The following PRELID2 variants were observed in gnomAD, a reference collection of about 807,000 sequenced individuals.
PRELID2 encodes the protein PRELI domain containing 2.
PRELID2 carries 25 observed loss-of-function variants against 28.4 expected under a neutral mutation model. The observed-to-expected ratio is 0.88, with a 90% confidence interval of 0.64 to 1.23. The LOEUF is 1.23. Among genes scored for constraint, PRELID2 ranks in the 50% most tolerant of loss-of-function variants. The pLI is 0.00. For synonymous variants in PRELID2, 76 were observed against 71.6 expected, an observed-to-expected ratio of 1.06 and a Z score of -0.31; for missense variants, 201 against 214.4, an observed-to-expected ratio of 0.94 and a Z score of 0.39.
chr5:145,516,308 T>C (rs1255780190), intron 1 of PRELID2, among the ~76,000 whole-genome samples: 1 of 152,072 alleles, frequency 6.6e-6, no homozygotes, highest in Non-Finnish European at 1.5e-5. Flanking sequence ...GGATACAAAA[T>C]CAATGTGCAA....
chr5:145,548,281 A>C (rs549187514), intron 1 of PRELID2, among the ~76,000 whole-genome samples: 1 of 152,284 alleles, frequency 6.6e-6, no homozygotes, highest in South Asian at 2.1e-4. Context: ...TGAGGAATAC[A>C]AATATTTCCT....
At chr5:145,300,705 T>C in the PRELID2 span, among the ~76,000 whole-genome samples, 1 of 150,250 alleles carries the variant, frequency 6.7e-6, no homozygotes, top group Admixed American at 6.6e-5. Context: ...ATTTACTTTT[T>C]TTTTTTTTTT....
At chr5:145,335,814 T>G in the PRELID2 span, among the ~76,000 whole-genome samples, 7 of 152,276 alleles carry the variant, frequency 4.6e-5, no homozygotes, top group African/African-American at 9.6e-5. Flanking sequence ...GGTCAAATGG[T>G]ATTTCTAGTT....
the PRELID2 span, among the ~76,000 whole-genome samples, chr5:145,444,507 T>A: frequency 6.6e-6 from 1 of 152,024 alleles, no homozygotes; most frequent in Non-Finnish European, 1.5e-5. Flanking sequence ...TCTGAGTGCC[T>A]GTCTCCTGAG....
intron 1 of PRELID2, among the ~76,000 whole-genome samples, chr5:145,556,379 C>G (rs1436810158): frequency 6.6e-6 from 1 of 152,064 alleles, no homozygotes; most frequent in Non-Finnish European, 1.5e-5. Context: ...AGCCAGAAAT[C>G]TTGATATCAT....
intron 1 of PRELID2, among the ~76,000 whole-genome samples, chr5:145,717,001 T>C (rs1279748595): frequency 1.3e-5 from 2 of 152,168 alleles, no homozygotes; most frequent in Admixed American, 6.6e-5. Flanking sequence ...GAATAAAGTA[T>C]GATACATCTA....
chr5:145,767,283 C>T (rs1321059852), intron 5 of PRELID2, among the ~76,000 whole-genome samples: 1 of 152,036 alleles, frequency 6.6e-6, no homozygotes, highest in African/African-American at 2.4e-5. Context: ...GGAATTCAGC[C>T]AAGGACAGCC....
At chr5:145,679,038 C>A (rs551665230) in intron 1 of PRELID2, among the ~76,000 whole-genome samples, 1 of 152,254 alleles carries the variant, frequency 6.6e-6, no homozygotes, top group East Asian at 1.9e-4. Flanking sequence ...TCTAAACAGT[C>A]CAAAGATGTG....
the PRELID2 span, among the ~76,000 whole-genome samples, chr5:145,415,261 TA>T: frequency 3.3e-5 from 5 of 152,034 alleles, no homozygotes; most frequent in South Asian, 8.3e-4. Flanking sequence ...TTTTGTTTTT[TA>T]TTTTATTTTC....
At chr5:145,404,508 C>T in the PRELID2 span, among the ~76,000 whole-genome samples, 1 of 152,208 alleles carries the variant, frequency 6.6e-6, no homozygotes, top group Non-Finnish European at 1.5e-5. Context: ...TATGTCCCTG[C>T]TCTCAAGGAG....
the PRELID2 span, among the ~76,000 whole-genome samples, chr5:145,392,277 G>A: frequency 7.2e-6 from 1 of 138,926 alleles, no homozygotes; most frequent in African/African-American, 2.6e-5. Flanking sequence ...ATGACAGAAA[G>A]GGAAGCAAAC....
At chr5:145,647,999 A>G (rs542398774) in intron 1 of PRELID2, among the ~76,000 whole-genome samples, 1 of 152,338 alleles carries the variant, frequency 6.6e-6, no homozygotes, top group African/African-American at 2.4e-5. Context: ...CTTGCCAGCA[A>G]TCTGAGAAAT....
intron 1 of PRELID2, among the ~76,000 whole-genome samples, chr5:145,702,657 C>T (rs1481582350): frequency 6.6e-6 from 1 of 152,166 alleles, no homozygotes; most frequent in African/African-American, 2.4e-5. Flanking sequence ...TGAAGCACCC[C>T]CATGCCCAGC....
At chr5:145,628,915 T>G (rs1419513515) in intron 1 of PRELID2, among the ~76,000 whole-genome samples, 1 of 152,162 alleles carries the variant, frequency 6.6e-6, no homozygotes, top group African/African-American at 2.4e-5. Context: ...AGATAAAAAA[T>G]GCTTTTAGCC....
At chr5:145,551,971 G>T (rs1226765547) in intron 1 of PRELID2, among the ~76,000 whole-genome samples, 2 of 152,072 alleles carry the variant, frequency 1.3e-5, no homozygotes, top group African/African-American at 4.8e-5. Flanking sequence ...GTCTCCCCAT[G>T]GACTGAACCT....
At chr5:145,412,612 T>C in the PRELID2 span, among the ~76,000 whole-genome samples, 1 of 152,326 alleles carries the variant, frequency 6.6e-6, no homozygotes, top group Non-Finnish European at 1.5e-5. Context: ...TTCTGTCTTA[T>C]TCTGAGTCCT....
chr5:145,800,301 TACACACACAC>T (rs10555229), intron 4 of PRELID2, among the ~76,000 whole-genome samples: 27 of 138,562 alleles, frequency 1.9e-4, no homozygotes, highest in African/African-American at 6.5e-4. Context: ...CCCCTTCTCT[TACACACACAC>T]ACACACACAC....
intron 1 of PRELID2, among the ~76,000 whole-genome samples, chr5:145,561,589 C>A (rs889942729): frequency 2.0e-5 from 3 of 152,154 alleles, no homozygotes; most frequent in African/African-American, 7.2e-5. Context: ...CCATGCATGT[C>A]CTTGACAGAG....
chr5:145,779,145 TATA>T (rs1410161739), intron 5 of PRELID2, among the ~76,000 whole-genome samples: 1 of 152,160 alleles, frequency 6.6e-6, no homozygotes, highest in Non-Finnish European at 1.5e-5. Flanking sequence ...AAAATAATAT[TATA>T]ATATGTTCAT....
Sources: allele counts gnomAD v4.1 joint callset (sites outside exome capture counted in the v4.1 genomes callset), GRCh38; gene constraint gnomAD v4.1.1; transcripts MANE v1.5; gene names NCBI Gene and HGNC (gene_info 2026-07-23, HGNC 2026-07-21).